WDR59: variants seen among roughly 807,000 people sequenced by gnomAD.
WDR59 encodes the protein WD repeat domain 59, also known as GATOR2 complex protein WDR59.
A neutral mutation model predicts 131.2 loss-of-function variants in WDR59; 100 were observed. That is an observed-to-expected ratio of 0.76 (90% CI 0.65 to 0.90). The LOEUF is 0.90. Ranked by LOEUF, WDR59 falls within the 40% of genes least tolerant of loss-of-function variation. WDR59 has a pLI of 0.00. For synonymous variants in WDR59, 601 were observed against 466.2 expected (o/e 1.29, Z -3.72); for missense variants, 1,203 against 1,262.2 (o/e 0.95, Z 0.71).
chr16:74,950,703 G>A (rs1379120698), intron 4 of WDR59, among the ~76,000 whole-genome samples: 4 of 152,172 alleles, frequency 2.6e-5, no homozygotes, highest in Admixed American at 1.3e-4. Flanking sequence ...CTGGGAGGCG[G>A]CTGTGCCCTT....
intron 18 of WDR59, among the ~76,000 whole-genome samples, chr16:74,899,470 G>A (rs1458520106): frequency 6.6e-6 from 1 of 152,204 alleles, no homozygotes; most frequent in Non-Finnish European, 1.5e-5. Context: ...TGCCAAAAGA[G>A]TCCATTCAGG....
At chr16:74,898,118 A>C (rs1192528579) in intron 18 of WDR59, among the ~76,000 whole-genome samples, 3 of 152,192 alleles carry the variant, frequency 2.0e-5, no homozygotes, top group African/African-American at 7.2e-5. Context: ...TCTTGCTGGC[A>C]ATGTTTGGAG....
At chr16:74,892,197 G>C (rs1370817612) in intron 20 of WDR59, among the ~76,000 whole-genome samples, 2 of 152,082 alleles carry the variant, frequency 1.3e-5, no homozygotes, top group African/African-American at 4.8e-5. Flanking sequence ...CAAAGAAATA[G>C]ACATGCAAGT....
intron 6 of WDR59, among the ~76,000 whole-genome samples, chr16:74,945,381 G>A (rs1244471204): frequency 1.3e-5 from 2 of 151,814 alleles, no homozygotes; most frequent in Admixed American, 6.6e-5. Flanking sequence ...GGAGGCTGAG[G>A]CAGGAGAATG....
chr16:74,975,139 T>G (rs1430893716), intron 1 of WDR59, among the ~76,000 whole-genome samples: 1 of 152,130 alleles, frequency 6.6e-6, no homozygotes, highest in African/African-American at 2.4e-5. Context: ...GGTCGGTGGA[T>G]CACCTGAGGT....
At chr16:74,979,906 T>C (rs1196248053) in intron 1 of WDR59, among the ~76,000 whole-genome samples, 3 of 132,840 alleles carry the variant, frequency 2.3e-5, no homozygotes, top group African/African-American at 8.3e-5. Context: ...TGGAGTGCAA[T>C]GGCGTGATCT....
chr16:74,979,531 C>A (rs1271083662), intron 1 of WDR59, among the ~76,000 whole-genome samples: 1 of 151,396 alleles, frequency 6.6e-6, no homozygotes, highest in Admixed American at 6.6e-5. Context: ...AGATTACCTG[C>A]AAGTTGTGTG....
At chr16:74,962,612 T>C (rs1344100759) in intron 2 of WDR59, among the ~76,000 whole-genome samples, 8 of 152,218 alleles carry the variant, frequency 5.3e-5, no homozygotes, top group East Asian at 1.9e-4. Flanking sequence ...ATAGGAATGC[T>C]TGTGATTTTT....
At chr16:74,933,193 T>C (rs1364777587) in intron 8 of WDR59, among the ~76,000 whole-genome samples, 4 of 152,134 alleles carry the variant, frequency 2.6e-5, no homozygotes, top group African/African-American at 9.7e-5. Flanking sequence ...CCTAGCAACT[T>C]CAGAGGCTGA....
chr16:74,984,937 G>A (rs182449728), intron 1 of WDR59, 27 bp downstream of exon 1: 1 of 1,600,474 alleles, frequency 6.2e-7, no homozygotes, highest in East Asian at 2.3e-5. Flanking sequence ...CGCATGCCCA[G>A]AGGGCTCCAC....
At chr16:74,963,804 G>T (rs116541747) in intron 2 of WDR59, among the ~76,000 whole-genome samples, 1 of 152,034 alleles carries the variant, frequency 6.6e-6, no homozygotes, top group African/African-American at 2.4e-5. Context: ...GGCAGAGGCA[G>T]ATGGATTGCT....
chr16:74,916,049 A>T, intron 12 of WDR59, 55 bp from the exon 13 acceptor site: 2 of 1,613,988 alleles, frequency 1.2e-6, no homozygotes, highest in African/African-American at 1.3e-5. Context: ...TGAAACAGAG[A>T]ACAGGTCTGG....
intron 25 of WDR59, among the ~76,000 whole-genome samples, chr16:74,875,388 C>T (rs1964166490): frequency 6.6e-6 from 1 of 151,962 alleles, no homozygotes; most frequent in Non-Finnish European, 1.5e-5. Flanking sequence ...TCGCTGCCTC[C>T]AGACTGACCT....
intron 8 of WDR59, among the ~76,000 whole-genome samples, chr16:74,932,432 C>T (rs200235425): frequency 5.5e-4 from 5 of 9,124 alleles, no homozygotes; most frequent in African/African-American, 1.6e-3. Flanking sequence ...ATAATTTTTA[C>T]ACACACACAC....
At chr16:74,958,314 G>A (rs1256098040) in intron 2 of WDR59, among the ~76,000 whole-genome samples, 1 of 152,054 alleles carries the variant, frequency 6.6e-6, no homozygotes, top group Non-Finnish European at 1.5e-5. Flanking sequence ...AATAGGCCAG[G>A]CATGGTGGCT....
chr16:74,946,105 C>T (rs1354789170), intron 6 of WDR59, among the ~76,000 whole-genome samples: 3 of 152,196 alleles, frequency 2.0e-5, no homozygotes, highest in Admixed American at 1.3e-4. Context: ...TGAGCCACCA[C>T]ACCCGGCCAC....
chr16:74,978,831 A>G (rs965044615), intron 1 of WDR59, among the ~76,000 whole-genome samples: 3 of 152,232 alleles, frequency 2.0e-5, no homozygotes, highest in African/African-American at 7.2e-5. Flanking sequence ...GTTGTCTCCA[A>G]GTATGTTCAG....
chr16:74,892,612 C>T, intron 19 of WDR59, 47 bp from the exon 20 acceptor site: 1 of 1,468,504 alleles, frequency 6.8e-7, no homozygotes, highest in Non-Finnish European at 9.5e-7. Flanking sequence ...AGTGTAACTT[C>T]CCAAATCAAC....
chr16:74,951,046 G>A (rs1418036145), intron 4 of WDR59, among the ~76,000 whole-genome samples: 1 of 150,146 alleles, frequency 6.7e-6, no homozygotes, highest in Non-Finnish European at 1.5e-5. Flanking sequence ...TATAATCCCA[G>A]CTATTCTGGA....
Sources: gnomAD v4.1 joint callset for allele counts (sites outside exome capture counted in the v4.1 genomes callset) on GRCh38, gnomAD v4.1.1 for gene constraint, MANE v1.5 for transcripts, NCBI Gene and HGNC (gene_info 2026-07-23, HGNC 2026-07-21) for gene names.